Variants in TMPRSS15 observed in about 807,000 individuals in gnomAD.
TMPRSS15 encodes enteropeptidase.
In TMPRSS15, 128 loss-of-function variants were observed where a neutral mutation model predicts 125.3. That is an observed-to-expected ratio of 1.02 (90% CI 0.89 to 1.18). The LOEUF is 1.18. Ranked by LOEUF, TMPRSS15 falls within the 50% of genes most tolerant of loss-of-function variation. The pLI is 0.00. For synonymous variants in TMPRSS15, 446 were observed against 423.2 expected (o/e 1.05, Z -0.66); for missense variants, 1,283 against 1,212.7 (o/e 1.06, Z -0.86).
chr21:18,394,563 C>T (rs1316497240), intron 3 of TMPRSS15, among the ~76,000 whole-genome samples: 1 of 151,940 alleles, frequency 6.6e-6, no homozygotes, highest in African/African-American at 2.4e-5. Flanking sequence ...GTCTCTCTCT[C>T]TTTCTCTCAC....
intron 5 of TMPRSS15, among the ~76,000 whole-genome samples, chr21:18,374,269 C>T (rs1032566910): frequency 6.6e-6 from 1 of 150,732 alleles, no homozygotes; most frequent in East Asian, 2.0e-4. Context: ...GTCAGGAGAT[C>T]GAGACCATCC....
At chr21:18,368,521 G>A (rs940794953) in intron 6 of TMPRSS15, among the ~76,000 whole-genome samples, 5 of 152,274 alleles carry the variant, frequency 3.3e-5, no homozygotes, top group South Asian at 2.1e-4. Flanking sequence ...AGGACTCTGG[G>A]GGCAGAGAGA....
chr21:18,339,095 A>AT (rs1339885200), intron 13 of TMPRSS15, among the ~76,000 whole-genome samples: 1 of 151,784 alleles, frequency 6.6e-6, no homozygotes, highest in East Asian at 1.9e-4. Flanking sequence ...TTATTTATAT[A>AT]TTTTTTCATG....
chr21:18,303,550 A>C (rs2074996572), intron 18 of TMPRSS15, among the ~76,000 whole-genome samples: 1 of 152,178 alleles, frequency 6.6e-6, no homozygotes, highest in Non-Finnish European at 1.5e-5. Flanking sequence ...AGGTTTTGTT[A>C]TAAGCTTCAT....
intron 1 of TMPRSS15, among the ~76,000 whole-genome samples, chr21:18,450,688 G>GA (rs11411851): frequency 0.092 from 14,035 of 152,024 alleles, 1,848 homozygotes; most frequent in African/African-American, 0.3. Context: ...CTTCTTTTGG[G>GA]AAAAAAATCC....
intron 1 of TMPRSS15, among the ~76,000 whole-genome samples, chr21:18,460,352 T>C (rs1341429027): frequency 1.4e-5 from 2 of 146,406 alleles, no homozygotes; most frequent in Non-Finnish European, 2.9e-5. Flanking sequence ...AATTTAGTCA[T>C]TTTTTCTTTC....
Position 18,294,374 on chromosome 21 carries a change from C to G in TMPRSS15, c.2382G>C (p.Gly794=), listed in dbSNP as rs370598030. The change falls in exon 21 of 25, where the codon GGG becomes GGC. Residue 794 remains glycine, a synonymous_variant. Coordinates refer to ENST00000284885, the MANE Select transcript of TMPRSS15 (RefSeq NM_002772.3). ...ACAGACCCACAACCCAGGGCCAGGC[C>G]CCTTCTTTGGCATTACTTCCTCCAA... ...KIVGGSNAKE[G]AWPWVVGLYY... 6.2e-7 allele frequency: 1 copy of G among 1,614,230 alleles called. No individual in the cohort carries two copies. Among genetic ancestry groups the G allele is most frequent in the African/African-American group, 1.3e-5 (1 of 75,054 alleles).
chr21:18,445,733 A>G (rs536264809), intron 1 of TMPRSS15, among the ~76,000 whole-genome samples: 1 of 152,322 alleles, frequency 6.6e-6, no homozygotes, highest in South Asian at 2.1e-4. Flanking sequence ...TTAGATGCTA[A>G]AAAAGCGTTT....
intron 24 of TMPRSS15, 148 bp downstream of exon 24, chr21:18,275,049 G>T (rs2074603232): frequency 3.9e-6 from 4 of 1,026,398 alleles, no homozygotes; most frequent in Non-Finnish European, 5.9e-6. Flanking sequence ...TACCCAAGAG[G>T]ATTACGCAAA....
rs2074694314 is a variant in TMPRSS15, at chr21:18,281,183, C to T, written c.2525G>A (p.Gly842Asp). ...LEPSKWTAIL[G>D]LHMKSNLTSP... is the part of the protein sequence containing the mutation. ...GGTCAGATTTGATTTCATATGCAGG[C>T]CTAGGATTGCTGTCCACTTGGATGG... The change falls in exon 22 of 25, where the codon GGC becomes GAC. Residue 842 changes from glycine to aspartate, a missense_variant. Gly to Asp is a moderately conservative substitution (Grantham distance 94). Coordinates refer to ENST00000284885, the MANE Select transcript of TMPRSS15 (RefSeq NM_002772.3). 1.2e-6 allele frequency: 2 copies of T among 1,613,890 alleles called. No individual in the cohort carries two copies. The highest frequency in any genetic ancestry group is 1.3e-5 in the African/African-American group (1 of 74,884).
intron 1 of TMPRSS15, among the ~76,000 whole-genome samples, chr21:18,455,761 T>G (rs1333331688): frequency 6.6e-6 from 1 of 152,106 alleles, no homozygotes; most frequent in African/African-American, 2.4e-5. Flanking sequence ...TTGGGGGAAA[T>G]ATGTGTAATA....
chr21:18,337,427 A>T, intron 13 of TMPRSS15, among the ~76,000 whole-genome samples: 1 of 152,210 alleles, frequency 6.6e-6, no homozygotes, highest in East Asian at 1.9e-4. Flanking sequence ...GTATCTTGTC[A>T]TGAATCATCA....
At chr21:18,467,290 G>A (rs1978685162) in intron 1 of TMPRSS15, among the ~76,000 whole-genome samples, 1 of 151,974 alleles carries the variant, frequency 6.6e-6, no homozygotes, top group Admixed American at 6.6e-5. Flanking sequence ...ATAGCATTAG[G>A]AGAAATACCT....
intron 24 of TMPRSS15, among the ~76,000 whole-genome samples, chr21:18,271,372 A>G (rs1000590513): frequency 6.6e-6 from 1 of 152,208 alleles, no homozygotes. Flanking sequence ...TTCTAAAACA[A>G]TTTAATTTTT....
chr21:18,474,795 G>A (rs533327371), intron 1 of TMPRSS15, among the ~76,000 whole-genome samples: 52 of 152,208 alleles, frequency 3.4e-4, no homozygotes, highest in African/African-American at 9.4e-4. Flanking sequence ...TAGAAAAGGC[G>A]GTCAGATTAT....
intron 18 of TMPRSS15, among the ~76,000 whole-genome samples, chr21:18,308,485 C>A (rs1240711410): frequency 6.6e-6 from 1 of 151,580 alleles, no homozygotes; most frequent in South Asian, 2.1e-4. Flanking sequence ...AAAAAATATG[C>A]TCAATAAAAG....
upstream of TMPRSS15, among the ~76,000 whole-genome samples, chr21:18,408,328 C>T (rs1323334703): frequency 6.6e-6 from 1 of 152,154 alleles, no homozygotes; most frequent in Non-Finnish European, 1.5e-5. Flanking sequence ...ACCCAAACAG[C>T]TTTCACCTTT....
chr21:18,353,213 TA>T lies in TMPRSS15; in HGVS notation c.1022-162del, dbSNP rs572089865. ...GATCTTAACTCTGTTGCATTCTATT[TA>T]TTTTTTTTAAAGCAGCTTTTTGTTG... On this transcript the variant is annotated intron_variant, in intron 9 of 24. Coordinates refer to ENST00000284885, the MANE Select transcript of TMPRSS15 (RefSeq NM_002772.3). Among the ~76,000 whole-genome samples, 63 of 151,890 alleles carry T rather than the reference TA, an allele frequency of 4.1e-4. 1 individual carries two copies. In the East Asian group the frequency reaches 0.011, roughly 27 times the overall value.
intron 5 of TMPRSS15, among the ~76,000 whole-genome samples, chr21:18,377,108 G>A (rs766614969): frequency 1.1e-4 from 17 of 152,102 alleles, no homozygotes; most frequent in Non-Finnish European, 2.4e-4. Context: ...TAAACGGCAA[G>A]GATGACTGGG....
Sources: allele counts gnomAD v4.1 joint callset (sites outside exome capture counted in the v4.1 genomes callset), GRCh38; gene constraint gnomAD v4.1.1; transcripts MANE v1.5; gene names NCBI Gene and HGNC (gene_info 2026-07-23, HGNC 2026-07-21).